Variants in ERGIC2 observed in about 807,000 individuals in gnomAD.
ERGIC2 encodes the protein ERGIC and golgi 2.
Under a neutral mutation model 52.5 loss-of-function variants are expected in ERGIC2, and 31 were observed. The observed-to-expected ratio is 0.59, with a 90% CI of 0.44 to 0.80. ERGIC2 has a LOEUF of 0.80. Among genes scored for constraint, ERGIC2 ranks in the 30% least tolerant of loss-of-function variants. The pLI, the probability that ERGIC2 is intolerant of heterozygous loss-of-function variation, is 0.00. For missense variants in ERGIC2, 395 were observed against 455.2 expected, an observed-to-expected ratio of 0.87 and a Z score of 1.20; for synonymous variants, 129 against 140.6, an observed-to-expected ratio of 0.92 and a Z score of 0.58.
intron 3 of ERGIC2, among the ~76,000 whole-genome samples, chr12:29,369,631 A>C (rs957878843): frequency 2.0e-5 from 3 of 152,042 alleles, no homozygotes; most frequent in Non-Finnish European, 4.4e-5. Flanking sequence ...AAGAAATCCA[A>C]ATAATACAAA....
intron 7 of ERGIC2, 93 bp from the exon 8 acceptor site, chr12:29,356,570 A>C (rs1940208797): frequency 3.2e-6 from 2 of 627,622 alleles, no homozygotes; most frequent in East Asian, 5.9e-5. Context: ...ATCCCTAAAG[A>C]TCATTTTTTA....
At chr12:29,361,900 C>T (rs12821708) in intron 5 of ERGIC2, among the ~76,000 whole-genome samples, 21,732 of 152,144 alleles carry the variant, frequency 0.14, 1,588 homozygotes, top group Middle Eastern at 0.24. Flanking sequence ...ATCACAAATA[C>T]TTTCCTGTTA....
intron 9 of ERGIC2, among the ~76,000 whole-genome samples, 190 bp downstream of exon 9, chr12:29,349,823 T>C (rs1397657468): frequency 6.6e-6 from 1 of 152,050 alleles, no homozygotes; most frequent in East Asian, 1.9e-4. Context: ...CTTTCCTCCC[T>C]AACCTCAGCA....
intron 1 of ERGIC2, among the ~76,000 whole-genome samples, chr12:29,375,172 T>C (rs117950642): frequency 7.8e-4 from 119 of 152,322 alleles, no homozygotes; most frequent in Non-Finnish European, 1.4e-3. Context: ...TACTCATCTC[T>C]ACCTTGAGCA....
chr12:29,339,050 G>C lies in ERGIC2; in HGVS notation c.*2106C>G, dbSNP rs1009995645. The C allele has an allele frequency of 6.6e-6, 1 of 152,070 alleles. No homozygotes were observed. The highest frequency in any genetic ancestry group is 1.5e-5 in the Non-Finnish European group (1 of 67,994). 9.4% of individuals were successfully genotyped at this position (152,070 alleles called of 1,614,324 possible). A position where few individuals can be genotyped will look rare whatever the true frequency, so the allele number is the denominator to read the frequency against. On this transcript the variant is annotated 3_prime_UTR_variant, in exon 14 of 14. Coordinates refer to ENST00000360150, the MANE Select transcript of ERGIC2 (RefSeq NM_016570.3). ...TCCTAATATGCAGGTAAACTTCATC[G>C]TCCAAAGGGCTGATCGGAATTTTAA...
In ERGIC2 at chr12:29,350,036, A is replaced by C; in HGVS notation, c.605T>G (p.Leu202Trp). 1 of 1,608,422 alleles carries C rather than the reference A, an allele frequency of 6.2e-7. No individual in the cohort carries two copies. Among genetic ancestry groups the C allele is most frequent in the Non-Finnish European group, 8.5e-7 (1 of 1,175,606 alleles). ...ACATTCATGGTTGACAAGTGCTGCC[A>C]AATGTGCATGACCACGAGGATGTGG... ...AIPHPRGHAH[L>W]AALVNHESYN... Residue 202 changes from leucine to tryptophan, a missense_variant, in exon 9 of 14, where the codon TTG becomes TGG. Leu to Trp is a moderately conservative substitution (Grantham distance 61). Coordinates refer to ENST00000360150, the MANE Select transcript of ERGIC2 (RefSeq NM_016570.3).
chr12:29,348,929 G>C (rs544500290), intron 10 of ERGIC2, 150 bp downstream of exon 10: 33 of 496,790 alleles, frequency 6.6e-5, no homozygotes, highest in Non-Finnish European at 1.1e-4. Flanking sequence ...CCACTACTAG[G>C]ACAAATTCTC....
intron 8 of ERGIC2, among the ~76,000 whole-genome samples, chr12:29,356,126 A>G (rs1223627458): frequency 6.6e-6 from 1 of 151,734 alleles, no homozygotes; most frequent in African/African-American, 2.4e-5. Flanking sequence ...GGTTCAAGCG[A>G]TTCTCCTGCC....
chr12:29,354,170 C>A (rs926071103), intron 8 of ERGIC2, among the ~76,000 whole-genome samples: 38 of 152,158 alleles, frequency 2.5e-4, no homozygotes, highest in Non-Finnish European at 4.9e-4. Flanking sequence ...TACTCATGTA[C>A]ATGAAAAGCC....
At position 29,368,233 on chromosome 12, in the gene ERGIC2, G is replaced by A; in HGVS notation, c.262+8C>T. ...CATGTGGATTCAGCAAGTTGAAGGT[G>A]TACTTACATTGACACTTCATGGCAA... is the stretch of plus-strand genomic sequence containing the variant. On this transcript the variant is annotated splice_region_variant and intron_variant, in intron 4 of 13. Coordinates refer to ENST00000360150, the MANE Select transcript of ERGIC2 (RefSeq NM_016570.3). 1 of 1,555,976 alleles carries A rather than the reference G, an allele frequency of 6.4e-7. No individual in the cohort carries two copies.
At chr12:29,368,988 T>TA (rs1174578539) in intron 3 of ERGIC2, among the ~76,000 whole-genome samples, 4 of 152,084 alleles carry the variant, frequency 2.6e-5, no homozygotes, top group Non-Finnish European at 5.9e-5. Context: ...GCATTGCGAA[T>TA]AATAGACTGG....
In ERGIC2 at chr12:29,368,254, G is replaced by A. The variant is rs1371283284; in HGVS notation, c.249C>T (p.Ala83=). 1.3e-6 allele frequency: 2 copies of A among 1,570,504 alleles called. No individual in the cohort carries two copies. Among genetic ancestry groups the A allele is most frequent in the Admixed American group, 1.7e-5 (1 of 59,662 alleles). ...AGGTGTACTTACATTGACACTTCAT[G>A]GCAACAGTAATATCTATATTAATTC... is the stretch of plus-strand genomic sequence containing the variant. ...KLRINIDITV[A]MKCQYVGADV... The change falls in exon 4 of 14, where the codon GCC becomes GCT. Residue 83 remains alanine, a synonymous_variant. Coordinates refer to ENST00000360150, the MANE Select transcript of ERGIC2 (RefSeq NM_016570.3).
chr12:29,360,354 T>C (rs532339742), intron 6 of ERGIC2, among the ~76,000 whole-genome samples: 1 of 151,538 alleles, frequency 6.6e-6, no homozygotes, highest in South Asian at 2.1e-4. Context: ...TTAAATAAAC[T>C]ACAATCTATC....
rs1451861046 is a variant in ERGIC2 at position 29,381,141 on chromosome 12, C to T, written c.-64G>A. ...TTGTGTTATGGTCCCAGCCTACCGCCATGTTTCACAGAAGCCCGGGTCGCC... is the reference window on the plus strand; with the variant it reads ...TTGTGTTATGGTCCCAGCCTACCGCTATGTTTCACAGAAGCCCGGGTCGCC... On this transcript the variant is annotated 5_prime_UTR_variant, in exon 1 of 14. An upstream start codon of the reference 5' UTR is lost. Coordinates refer to ENST00000360150, the MANE Select transcript of ERGIC2 (RefSeq NM_016570.3). 1.3e-5 allele frequency: 2 copies of T among 152,214 alleles called. No homozygotes were observed. Among genetic ancestry groups the T allele is most frequent in the Non-Finnish European group, 2.9e-5 (2 of 68,046 alleles). The allele number at this position is 152,214 out of a possible 1,614,324, so 9.4% of individuals were successfully genotyped here.
chr12:29,342,990 T>C (rs1420571203), intron 12 of ERGIC2, 130 bp downstream of exon 12: 1 of 672,238 alleles, frequency 1.5e-6, no homozygotes, highest in Non-Finnish European at 2.3e-6. Context: ...TTTGGAGTTT[T>C]GTAATTAAAG....
intron 1 of ERGIC2, among the ~76,000 whole-genome samples, chr12:29,377,519 T>C (rs1410823405): frequency 2.0e-5 from 3 of 152,214 alleles, no homozygotes; most frequent in Non-Finnish European, 4.4e-5. Flanking sequence ...TAGGAAATAA[T>C]GAAAAGAAAG....
chr12:29,341,284 A>T (rs867807210), intron 13 of ERGIC2, 66 bp from the exon 14 acceptor site: 3 of 1,267,432 alleles, frequency 2.4e-6, no homozygotes, highest in Non-Finnish European at 3.4e-6. Context: ...CTTTCCTCTA[A>T]ACACAAGGTT....
At chr12:29,351,661 C>T (rs1386781725) in intron 8 of ERGIC2, among the ~76,000 whole-genome samples, 1 of 152,144 alleles carries the variant, frequency 6.6e-6, no homozygotes, top group East Asian at 1.9e-4. Context: ...ATCTGATTGT[C>T]TAAAGCAAAT....
chr12:29,346,707 G>A (rs1312124032), intron 10 of ERGIC2, among the ~76,000 whole-genome samples: 1 of 152,060 alleles, frequency 6.6e-6, no homozygotes, highest in Non-Finnish European at 1.5e-5. Context: ...ATAATCAAAA[G>A]GATCATTTTT....
Sources: gnomAD v4.1 joint callset for allele counts (sites outside exome capture counted in the v4.1 genomes callset) on GRCh38, gnomAD v4.1.1 for gene constraint, MANE v1.5 for transcripts, NCBI Gene and HGNC (gene_info 2026-07-23, HGNC 2026-07-21) for gene names.